CCDC30: variants seen among roughly 807,000 people sequenced by gnomAD.
CCDC30 encodes coiled-coil domain containing 30.
CCDC30 carries 70 observed loss-of-function variants against 100.2 expected under a neutral mutation model. That is an observed-to-expected ratio of 0.70 (90% CI 0.58 to 0.85). The LOEUF (loss-of-function observed/expected upper bound fraction) is 0.85. Ranked by LOEUF, CCDC30 falls within the 40% of genes least tolerant of loss-of-function variation. The pLI, the probability that CCDC30 is intolerant of heterozygous loss-of-function variation, is 0.00. For missense variants in CCDC30, 652 were observed against 771.2 expected, an observed-to-expected ratio of 0.85 and a Z score of 1.83; for synonymous variants, 233 against 269.5, an observed-to-expected ratio of 0.86 and a Z score of 1.33.
chr1:42,504,469 G>A (rs1644367665), intron 6 of CCDC30, among the ~76,000 whole-genome samples: 1 of 152,196 alleles, frequency 6.6e-6, no homozygotes, highest in African/African-American at 2.4e-5. Context: ...TTCTCTTAGG[G>A]TCCTCAGAAG....
exon 11 of CCDC30, chr1:42,611,010 G>A (rs1450595384): frequency 6.2e-7 from 1 of 1,611,242 alleles, no homozygotes; most frequent in African/African-American, 1.3e-5. Context: ...TGTCAGAGAA[G>A]CTATCTAAGC....
At chr1:42,509,246 A>G (rs1331735493) in intron 6 of CCDC30, among the ~76,000 whole-genome samples, 1 of 152,176 alleles carries the variant, frequency 6.6e-6, no homozygotes, top group East Asian at 1.9e-4. Flanking sequence ...AGTGTGATTT[A>G]CAGTTTATAG....
At chr1:42,632,918 T>C (rs1464736305) in intron 11 of CCDC30, among the ~76,000 whole-genome samples, 1 of 152,056 alleles carries the variant, frequency 6.6e-6, no homozygotes, top group African/African-American at 2.4e-5. Context: ...CAAGCAATTC[T>C]GGTGCTTCAG....
intron 11 of CCDC30, among the ~76,000 whole-genome samples, chr1:42,622,189 G>A (rs181905957): frequency 1.9e-3 from 286 of 152,264 alleles, no homozygotes; most frequent in Non-Finnish European, 3.2e-3. Flanking sequence ...AACATATGAT[G>A]TTTGTCTTTC....
chr1:42,535,386 G>T (rs1356083948), intron 6 of CCDC30, among the ~76,000 whole-genome samples: 1 of 151,800 alleles, frequency 6.6e-6, no homozygotes, highest in Non-Finnish European at 1.5e-5. Context: ...GCTAAGAAAA[G>T]TGAGGTAACT....
At chr1:42,621,598 G>A (rs768732376) in intron 11 of CCDC30, among the ~76,000 whole-genome samples, 4 of 152,066 alleles carry the variant, frequency 2.6e-5, no homozygotes, top group Middle Eastern at 3.4e-3. Context: ...TGCAAGCTCC[G>A]CCTCCCGGGT....
At chr1:42,645,839 G>A (rs148916228) in intron 14 of CCDC30, among the ~76,000 whole-genome samples, 301 of 152,220 alleles carry the variant, frequency 2.0e-3, no homozygotes, top group Non-Finnish European at 3.5e-3. Context: ...CCTAGGTCCT[G>A]GGAATAAAAA....
intron 11 of CCDC30, among the ~76,000 whole-genome samples, chr1:42,626,043 C>CAT (rs974600268): frequency 5.3e-5 from 8 of 152,074 alleles, no homozygotes; most frequent in Admixed American, 1.3e-4. Context: ...CAGTGTTGGG[C>CAT]ATATATATGT....
chr1:42,546,404 ATATATATATATATATATAT>A (rs1645141408), intron 6 of CCDC30, among the ~76,000 whole-genome samples: 1 of 2,152 alleles, frequency 4.6e-4, no homozygotes, highest in African/African-American at 1.5e-3. Flanking sequence ...AAAAAAATAT[ATATATATATATATATATAT>A]ATATATATAT....
chr1:42,513,379 G>A (rs1644508795), intron 6 of CCDC30, among the ~76,000 whole-genome samples: 1 of 152,156 alleles, frequency 6.6e-6, no homozygotes, highest in Non-Finnish European at 1.5e-5. Context: ...CATAGTGTGT[G>A]GGGAAGGTTT....
intron 12 of CCDC30, among the ~76,000 whole-genome samples, chr1:42,642,007 C>T (rs542646949): frequency 7.9e-5 from 12 of 152,138 alleles, no homozygotes; most frequent in East Asian, 1.9e-4. Flanking sequence ...GGGCGGATCA[C>T]AAGGTCAGGA....
chr1:42,510,235 C>T (rs1193360168), intron 6 of CCDC30: 1 of 551,158 alleles, frequency 1.8e-6, no homozygotes, highest in African/African-American at 2.1e-5. Flanking sequence ...TCCTTTTGAC[C>T]TACCATAGGA....
intron 11 of CCDC30, among the ~76,000 whole-genome samples, chr1:42,615,250 G>A (rs1646703336): frequency 6.6e-6 from 1 of 152,156 alleles, no homozygotes; most frequent in African/African-American, 2.4e-5. Context: ...TTTCAAACTG[G>A]TTGCTGGAAT....
chr1:42,518,281 T>A (rs1644585511), intron 6 of CCDC30, among the ~76,000 whole-genome samples: 1 of 152,192 alleles, frequency 6.6e-6, no homozygotes, highest in Non-Finnish European at 1.5e-5. Flanking sequence ...ATTGTTAGAG[T>A]ATAGAAATGC....
chr1:42,657,176 T>C (rs1235254712), downstream of CCDC30, among the ~76,000 whole-genome samples: 6 of 152,228 alleles, frequency 3.9e-5, no homozygotes, highest in Non-Finnish European at 8.8e-5. Flanking sequence ...ATTAAATGCA[T>C]GCTGTTATAT....
At chr1:42,476,250 A>G (rs1643880099) in intron 1 of CCDC30, among the ~76,000 whole-genome samples, 1 of 142,134 alleles carries the variant, frequency 7.0e-6, no homozygotes, top group Non-Finnish European at 1.6e-5. Context: ...ATGATCTTGC[A>G]CCTGCTGTTT....
chr1:42,577,296 G>A, intron 8 of CCDC30, 67 bp downstream of exon 12: 1 of 1,045,706 alleles, frequency 9.6e-7, no homozygotes, highest in Non-Finnish European at 1.4e-6. Context: ...ATTTCCCTGA[G>A]GATTTTAAGA....
intron 6 of CCDC30, among the ~76,000 whole-genome samples, chr1:42,510,396 T>G (rs879710145): frequency 2.0e-5 from 3 of 152,124 alleles, no homozygotes; most frequent in Non-Finnish European, 4.4e-5. Flanking sequence ...TGGTGGCTCA[T>G]GCCTGTAATC....
At chr1:42,574,445 G>GA (rs1211232984) in intron 7 of CCDC30, among the ~76,000 whole-genome samples, 1 of 151,228 alleles carries the variant, frequency 6.6e-6, no homozygotes, top group East Asian at 1.9e-4. Context: ...GGTAGCTTTT[G>GA]AAAAAAAGAA....
Sources: gnomAD v4.1 joint callset for allele counts (sites outside exome capture counted in the v4.1 genomes callset) on GRCh38, gnomAD v4.1.1 for gene constraint, MANE v1.5 for transcripts, NCBI Gene and HGNC (gene_info 2026-07-23, HGNC 2026-07-21) for gene names.